Variants in EIF2B4 observed in about 807,000 individuals in gnomAD.
EIF2B4 encodes translation initiation factor eIF2B subunit delta.
A neutral mutation model predicts 66.7 loss-of-function variants in EIF2B4; 34 were observed. The observed-to-expected ratio is 0.51, with a 90% CI of 0.39 to 0.68. EIF2B4 has a LOEUF of 0.68. Among genes scored for constraint, EIF2B4 ranks in the 30% least tolerant of loss-of-function variants. The pLI is 0.00. For missense variants in EIF2B4, 618 were observed against 657.9 expected (o/e 0.94, Z 0.66); for synonymous variants, 278 against 253.6 (o/e 1.10, Z -0.92).
Position 27,367,136 on chromosome 2 carries a change from C to T in EIF2B4, c.951G>A (p.Gln317=), listed in dbSNP as rs749208137. The part of the protein sequence containing the change: ...YVQEKIVLAA[Q]AISRFAYQKI... ...TCTGGTAAGCAAAGCGTGAAATTGC[C>T]TGAGCTGCTAGCACAATCTTCTCTT... The change falls in exon 10 of 13, where the codon CAG becomes CAA. Residue 317 remains glutamine (Q), a synonymous_variant. Coordinates refer to ENST00000347454, the MANE Select transcript of EIF2B4 (RefSeq NM_001034116.2). 44 of 1,614,074 alleles carry T rather than the reference C, an allele frequency of 2.7e-5. No individual in the cohort carries two copies. Among genetic ancestry groups the T allele is most frequent in the Middle Eastern group, 1.6e-4 (1 of 6,084 alleles).
In EIF2B4 at chr2:27,369,108, C is replaced by T. The variant is rs2148379318; in HGVS notation, c.316G>A (p.Ala106Thr). 6.2e-7 allele frequency: 1 copy of T among 1,614,120 alleles called. No individual in the cohort carries two copies. The highest frequency in any genetic ancestry group is 2.2e-5 in the East Asian group (1 of 44,880). Residue 106 changes from alanine (A) to threonine (T), a missense_variant, in exon 4 of 13, where the codon GCC (alanine) becomes ACC (threonine). Coordinates refer to ENST00000347454, the MANE Select transcript of EIF2B4 (RefSeq NM_001034116.2). ...AGGGCCCGCTCGGCCTCCTGCTTGG[C>T]TCGACGCTCAGCCCGAAGTTCGGCC... ...SKAELRAERR[A>T]KQEAERALKQ...
chr2:27,369,717 G>T, intron 2 of EIF2B4, 159 bp downstream of exon 2: 1 of 1,465,254 alleles, frequency 6.8e-7, no homozygotes. Flanking sequence ...TCTCCTCCAG[G>T]GACAGAATCA....
intron 1 of EIF2B4, 168 bp downstream of exon 1, chr2:27,370,116 G>A (rs1249330972): frequency 6.6e-7 from 1 of 1,518,588 alleles, no homozygotes; most frequent in Non-Finnish European, 8.9e-7. Context: ...CCTCCTCACA[G>A]CAACCAGCCG....
chr2:27,366,974 C>A (rs1253144307), intron 10 of EIF2B4, 38 bp from the exon 11 acceptor site: 9 of 1,613,648 alleles, frequency 5.6e-6, no homozygotes, highest in Admixed American at 3.3e-5. Flanking sequence ...TTATAAATGT[C>A]AGTAACTGAT....
Position 27,364,815 on chromosome 2 carries a change from C to T in EIF2B4, c.1275G>A (p.Leu425=), listed in dbSNP as rs747532557. The T allele has an allele frequency of 8.6e-5, 139 of 1,614,038 alleles. No individual in the cohort carries two copies. The highest frequency in any genetic ancestry group is 3.3e-4 in the Middle Eastern group (2 of 6,084). ...MSRVGTAQLA[L]VARAHNVPVL... ...CTGGTACATTATGGGCTCGAGCCAC[C>T]AGGGCTAACTGTGCTGTCCCTACCC... The change falls in exon 12 of 13, where the codon CTG becomes CTA. Residue 425 remains leucine, a synonymous_variant. Transcript: ENST00000347454.
At position 27,364,912 on chromosome 2, in the gene EIF2B4, G is replaced by T; in HGVS notation, c.1192-14C>A. Reference sequence around the variant, plus strand: ...CACCTTGGAAACCTGTTTCACAGGAGAAGAGGAAGAAAAAAATGTCATTGT... The same window carrying T: ...CACCTTGGAAACCTGTTTCACAGGATAAGAGGAAGAAAAAAATGTCATTGT... On this transcript the variant is annotated splice_polypyrimidine_tract_variant and intron_variant, in intron 11 of 12. Transcript: ENST00000347454. 6.2e-7 allele frequency: 1 copy of T among 1,613,192 alleles called. No individual in the cohort carries two copies. Among genetic ancestry groups the T allele is most frequent in the Non-Finnish European group, 8.5e-7 (1 of 1,179,548 alleles).
At chr2:27,368,960 C>T (rs200581892) in intron 4 of EIF2B4, 46 bp downstream of exon 4, 11 of 1,609,450 alleles carry the variant, frequency 6.8e-6, no homozygotes, top group African/African-American at 4.0e-5. Flanking sequence ...CCTGAGCTGG[C>T]GTTATAATTA....
Position 27,369,733 on chromosome 2 carries a change from C to T in EIF2B4, c.75+143G>A, listed in dbSNP as rs187870573. On this transcript the variant is annotated intron_variant, in intron 2 of 12. Transcript: ENST00000347454. ...CTCCTCCAGGGACAGAATCATATAT[C>T]CCTAGGGTTGCAAGACCTCTGTAAA... 480 of 1,436,762 alleles carry T rather than the reference C, an allele frequency of 3.3e-4. 2 individuals are homozygous for T. In the African/African-American group the frequency reaches 6.3e-3, roughly 19 times the overall value. The allele number at this position is 1,436,762 out of a possible 1,614,324, so 89.0% of individuals were successfully genotyped here. A position where few individuals can be genotyped will look rare whatever the true frequency, so the allele number is the denominator to read the frequency against.
intron 2 of EIF2B4, 105 bp from the exon 3 acceptor site, chr2:27,369,654 C>T (rs1226270757): frequency 6.3e-7 from 1 of 1,587,138 alleles, no homozygotes; most frequent in South Asian, 1.1e-5. Flanking sequence ...CCTAGTTCTT[C>T]CTAACTTCCA....
At chr2:27,368,870 T>C (rs1163746744) in intron 4 of EIF2B4, 136 bp downstream of exon 4, 6 of 1,412,906 alleles carry the variant, frequency 4.2e-6, no homozygotes, top group Non-Finnish European at 6.0e-6. Flanking sequence ...GAAATAGGGA[T>C]AGGATAATGG....
chr2:27,369,261 C>T (rs376500993), intron 3 of EIF2B4, 49 bp from the exon 4 acceptor site: 4 of 1,606,728 alleles, frequency 2.5e-6, no homozygotes, highest in African/African-American at 2.7e-5. Flanking sequence ...AGGTGATATC[C>T]GTGCCCCAGC....
At chr2:27,369,985 C>G in intron 1 of EIF2B4, 66 bp from the exon 2 acceptor site, 1 of 1,542,472 alleles carries the variant, frequency 6.5e-7, no homozygotes, top group Non-Finnish European at 8.8e-7. Flanking sequence ...GGCACGAGTA[C>G]TCGGCGCAGC....
chr2:27,364,703 CT>C lies in EIF2B4; in HGVS notation c.1372+14del. On this transcript the variant is annotated intron_variant, in intron 12 of 12. Transcript: ENST00000347454. ...TCTTCACAGGTAGCTGGAGGCTTCT[CT>C]TTTGCCTCCTTACCTAGCTCATTAG... 6.2e-7 allele frequency: 1 copy of C among 1,614,222 alleles called. No individual in the cohort carries two copies. Among genetic ancestry groups the C allele is most frequent in the Non-Finnish European group, 8.5e-7 (1 of 1,180,026 alleles).
intron 11 of EIF2B4, chr2:27,365,808 T>A (rs1267915840): frequency 6.6e-6 from 1 of 152,236 alleles, no homozygotes; most frequent in Admixed American, 6.5e-5. Flanking sequence ...TTTAATGTAA[T>A]GTTTTTGCAA....
At chr2:27,366,415 G>C (rs1681870154) in intron 11 of EIF2B4, 1 of 351,996 alleles carries the variant, frequency 2.8e-6, no homozygotes, top group South Asian at 2.6e-5. Context: ...GGGCACAGTG[G>C]CTCATGCCTA....
chr2:27,365,873 G>A (rs1681809646), intron 11 of EIF2B4: 1 of 152,024 alleles, frequency 6.6e-6, no homozygotes, highest in Admixed American at 6.6e-5. Flanking sequence ...TAGAAACAGA[G>A]CTATATAATT....
rs141722828 is a variant in EIF2B4, at chr2:27,367,756, G to A, written c.772C>T (p.Pro258Ser). 1 of 1,613,972 alleles carries A rather than the reference G, an allele frequency of 6.2e-7. No individual in the cohort carries two copies. Among genetic ancestry groups the A allele is most frequent in the African/African-American group, 1.3e-5 (1 of 75,032 alleles). ...LSRDLVNKLK[P>S]YMSFLTQCRP... ...TAGTGTTGTCCCTACCTCATGTAGG[G>A]TTTTAGTTTATTCACTAGATCCCTG... The change falls in exon 8 of 13, where the codon CCC (proline) becomes TCC (serine). Residue 258 changes from proline to serine, a missense_variant. Pro to Ser is a moderately conservative substitution (Grantham distance 74, BLOSUM62 -1). Transcript: ENST00000347454.
At chr2:27,367,887 G>T (rs1187466395) in intron 7 of EIF2B4, 65 bp from the exon 8 acceptor site, 2 of 1,553,596 alleles carry the variant, frequency 1.3e-6, no homozygotes, top group Admixed American at 1.7e-5. Context: ...GGGGGCTGGG[G>T]GTAAGCTTCA....
intron 6 of EIF2B4, 22 bp downstream of exon 6, chr2:27,368,350 T>C (rs776656241): frequency 2.5e-5 from 40 of 1,597,332 alleles, no homozygotes; most frequent in Admixed American, 5.0e-5. Context: ...TCAAAAGTTA[T>C]GACAATTTCA....
Sources: allele counts gnomAD v4.1 joint callset, GRCh38; gene constraint gnomAD v4.1.1; transcripts MANE v1.5; gene names NCBI Gene and HGNC (gene_info 2026-07-23, HGNC 2026-07-21).